SPEF2: variants seen among roughly 807,000 people sequenced by gnomAD.
The protein encoded by SPEF2 is sperm flagellar and cilia associated 2, also known as sperm flagella and cilia-associated protein 2.
SPEF2 carries 187 observed loss-of-function variants against 224.6 expected under a neutral mutation model. The observed-to-expected ratio is 0.83, with a 90% CI of 0.74 to 0.94. SPEF2 has a LOEUF of 0.94. SPEF2 is among the 40% of genes least tolerant of loss of function. The pLI is 0.00. For synonymous variants in SPEF2, 715 were observed against 707.3 expected (o/e 1.01, Z -0.17); for missense variants, 2,170 against 2,135.6 (o/e 1.02, Z -0.32).
chr5:35,750,693 C>G (rs544641659), intron 23 of SPEF2, among the ~76,000 whole-genome samples: 1 of 151,774 alleles, frequency 6.6e-6, no homozygotes, highest in South Asian at 2.1e-4. Flanking sequence ...AACCAAAAAC[C>G]AGTAGATGTC....
Position 35,800,059 on chromosome 5 carries a change from C to T in SPEF2, c.4922C>T (p.Thr1641Ile). Residue 1641 changes from threonine (T) to isoleucine (I), a missense_variant, in exon 34 of 37, where the codon ACC (threonine) becomes ATC (isoleucine). By Grantham distance (89) the Thr-to-Ile change is moderately conservative. Transcript: ENST00000356031. ...CTTTACTTTGCTTGCCACCCAGACA[C>T]CGTGGAAGGAGTCTACAGGGCCCTC... ...MLLYFACHPD[T>I]VEGVYRALSV... 6.2e-7 allele frequency: 1 copy of T among 1,614,136 alleles called. No individual in the cohort carries two copies. The highest frequency in any genetic ancestry group is 8.5e-7 in the Non-Finnish European group (1 of 1,180,018).
At chr5:35,642,402 G>A (rs943324062) in intron 3 of SPEF2, among the ~76,000 whole-genome samples, 1 of 152,006 alleles carries the variant, frequency 6.6e-6, no homozygotes, top group African/African-American at 2.4e-5. Context: ...CAGTACACAC[G>A]GGTAGTCCCA....
chr5:35,814,016 T>G (rs1362395386), intron 36 of SPEF2, among the ~76,000 whole-genome samples: 2 of 152,226 alleles, frequency 1.3e-5, no homozygotes, highest in African/African-American at 4.8e-5. Flanking sequence ...AATGAAAGAA[T>G]GAGACAATTT....
chr5:35,678,991 C>T (rs901779403), intron 10 of SPEF2, among the ~76,000 whole-genome samples: 1 of 152,192 alleles, frequency 6.6e-6, no homozygotes, highest in African/African-American at 2.4e-5. Context: ...TTCTTCCAGA[C>T]TTCGTCAGGG....
chr5:35,668,272 C>T (rs538643414), intron 9 of SPEF2, among the ~76,000 whole-genome samples: 1 of 152,156 alleles, frequency 6.6e-6, no homozygotes, highest in African/African-American at 2.4e-5. Flanking sequence ...TATCTCTCAA[C>T]AGGTAATAGA....
Position 35,776,274 on chromosome 5 carries a change from C to T in SPEF2, c.4096C>T (p.Arg1366Ter), listed in dbSNP as rs772743570. The change falls in exon 29 of 37, where the codon CGA becomes TGA. Residue 1366 changes from arginine to a stop codon, truncating the protein, a stop_gained. Coordinates refer to ENST00000356031, the MANE Select transcript of SPEF2 (RefSeq NM_024867.4). LOFTEE classifies it high-confidence loss of function. ...LQFEEIATQF[R>*]LELIKTKALA... ...GCAAATAGAAATAGCCACGCAATTTCGACTTGAACTGATAAAGACAAAAGC... is the reference window on the plus strand; with the variant it reads ...GCAAATAGAAATAGCCACGCAATTTTGACTTGAACTGATAAAGACAAAAGC... 1.2e-5 allele frequency: 19 copies of T among 1,604,500 alleles called. No individual in the cohort carries two copies. In the East Asian group the frequency reaches 1.3e-4, roughly 11 times the overall value.
intron 21 of SPEF2, among the ~76,000 whole-genome samples, chr5:35,729,450 G>A (rs1440307548): frequency 6.6e-6 from 1 of 152,160 alleles, no homozygotes; most frequent in African/African-American, 2.4e-5. Context: ...GGAGGGCGAG[G>A]GAGTTTCCTG....
At chr5:35,654,061 G>A (rs1160247440) in intron 6 of SPEF2, among the ~76,000 whole-genome samples, 1 of 151,086 alleles carries the variant, frequency 6.6e-6, no homozygotes, top group Non-Finnish European at 1.5e-5. Context: ...AGGAGTTCGA[G>A]ACAAGCCTGC....
chr5:35,787,511 G>A (rs1755326591), intron 30 of SPEF2, among the ~76,000 whole-genome samples: 1 of 152,170 alleles, frequency 6.6e-6, no homozygotes, highest in African/African-American at 2.4e-5. Flanking sequence ...GCGTGTAAGA[G>A]GGAAGTGTAC....
chr5:35,735,254 G>A (rs897317850), intron 21 of SPEF2, among the ~76,000 whole-genome samples: 5 of 152,164 alleles, frequency 3.3e-5, no homozygotes. Flanking sequence ...TTTGGACAAA[G>A]TAAGACACAT....
At chr5:35,653,937 ACT>A (rs1249985391) in intron 6 of SPEF2, among the ~76,000 whole-genome samples, 1 of 112,226 alleles carries the variant, frequency 8.9e-6, no homozygotes, top group Non-Finnish European at 1.8e-5. Context: ...ACAGAGTGAG[ACT>A]CTGTCTCAAA....
At chr5:35,725,315 T>C (rs76552737) in intron 20 of SPEF2, among the ~76,000 whole-genome samples, 4,961 of 152,306 alleles carry the variant, frequency 0.033, 116 homozygotes, top group South Asian at 0.054. Flanking sequence ...ATAAGAAAGC[T>C]ATCACTGTTA....
chr5:35,712,277 T>C (rs1296774832), intron 19 of SPEF2, among the ~76,000 whole-genome samples: 1 of 152,060 alleles, frequency 6.6e-6, no homozygotes, highest in Non-Finnish European at 1.5e-5. Context: ...ATTTAATTTT[T>C]AGAGACAGGG....
intron 5 of SPEF2, among the ~76,000 whole-genome samples, chr5:35,648,703 G>A (rs980595389): frequency 1.3e-5 from 2 of 152,132 alleles, no homozygotes; most frequent in Non-Finnish European, 2.9e-5. Context: ...AATTAATAGT[G>A]TAAATAAAGT....
intron 10 of SPEF2, among the ~76,000 whole-genome samples, chr5:35,674,147 C>G (rs558051373): frequency 9.2e-5 from 14 of 152,228 alleles, no homozygotes; most frequent in African/African-American, 3.4e-4. Context: ...TAATAATACA[C>G]TATAGACTGG....
At position 35,795,141 on chromosome 5, in the gene SPEF2, T is replaced by C. The variant is rs142581082; in HGVS notation, c.4738-562T>C. Among the ~76,000 whole-genome samples, 38 of 152,220 alleles carry C rather than the reference T, an allele frequency of 2.5e-4. No homozygotes were observed. The Middle Eastern group carries it at 0.01, about 41-fold the overall frequency. On this transcript the variant is annotated intron_variant, in intron 32 of 36. Coordinates refer to ENST00000356031, the MANE Select transcript of SPEF2 (RefSeq NM_024867.4). ...ATTGCGGAAATGAAGTTCTAATTGG[T>C]GTCAGTTATACACTGAGACAGAGGG...
At chr5:35,711,238 GGCTAGA>G (rs1741048281) in intron 19 of SPEF2, among the ~76,000 whole-genome samples, 1 of 152,012 alleles carries the variant, frequency 6.6e-6, no homozygotes, top group African/African-American at 2.4e-5. Context: ...TTTAAAAAAG[GGCTAGA>G]GTAGGCATAG....
At chr5:35,813,650 C>T (rs2149882523) in intron 36 of SPEF2, among the ~76,000 whole-genome samples, 1 of 152,254 alleles carries the variant, frequency 6.6e-6, no homozygotes, top group East Asian at 1.9e-4. Flanking sequence ...AAATGATTCA[C>T]TATGATTCCT....
intron 1 of SPEF2, among the ~76,000 whole-genome samples, chr5:35,622,164 A>G (rs1268933616): frequency 6.6e-6 from 1 of 152,136 alleles, no homozygotes; most frequent in Non-Finnish European, 1.5e-5. Context: ...GTTTTTTCCA[A>G]GTGGGTTTCC....
Sources: gnomAD v4.1 joint callset for allele counts (sites outside exome capture counted in the v4.1 genomes callset) on GRCh38, gnomAD v4.1.1 for gene constraint, MANE v1.5 for transcripts, NCBI Gene and HGNC (gene_info 2026-07-23, HGNC 2026-07-21) for gene names.